Variants in SYTL2 observed in about 807,000 individuals in gnomAD.
SYTL2 encodes the protein synaptotagmin-like protein 2.
Under a neutral mutation model 198.7 loss-of-function variants are expected in SYTL2, and 165 were observed. That is an observed-to-expected ratio of 0.83 (90% CI 0.73 to 0.94). SYTL2 has a LOEUF of 0.94. Ranked by LOEUF, SYTL2 falls within the 40% of genes least tolerant of loss-of-function variation. The probability of loss-of-function intolerance (pLI) is 0.00; values close to 1 mark genes in which losing one functional copy is unlikely to be tolerated. For synonymous variants in SYTL2, 966 were observed against 917.7 expected (o/e 1.05, Z -0.95); for missense variants, 2,835 against 2,582.8 (o/e 1.10, Z -2.12).
chr11:85,761,627 A>T (rs992482299), intron 1 of SYTL2, among the ~76,000 whole-genome samples: 2 of 152,190 alleles, frequency 1.3e-5, no homozygotes, highest in African/African-American at 4.8e-5. Context: ...CGCTGTACAT[A>T]CCTCTCATGG....
chr11:85,745,977 G>C (rs944422306), intron 3 of SYTL2, among the ~76,000 whole-genome samples: 7 of 152,096 alleles, frequency 4.6e-5, no homozygotes, highest in African/African-American at 1.7e-4. Context: ...TCCCCAAGCA[G>C]AGTCTCTTGA....
At position 85,748,253 on chromosome 11, in the gene SYTL2, A is replaced by G. The variant is rs2091290213; in HGVS notation, c.253+19T>C. ...CCAAACGAATGCTTGTTGTAAATGC[A>G]CTAGCCAAGTCAACTCACCTGCTAT... On this transcript the variant is annotated intron_variant, in intron 3 of 19. Coordinates refer to ENST00000359152, the MANE Select transcript of SYTL2 (RefSeq NM_206927.4). 1.2e-6 allele frequency: 2 copies of G among 1,606,830 alleles called. No individual in the cohort carries two copies. The highest frequency in any genetic ancestry group is 2.2e-5 in the East Asian group (1 of 44,762).
At chr11:85,843,606 C>G in the SYTL2 span, among the ~76,000 whole-genome samples, 15 of 152,066 alleles carry the variant, frequency 9.9e-5, no homozygotes, top group African/African-American at 3.4e-4. Context: ...TATTTGGGTC[C>G]CATCAAATTT....
chr11:85,721,588 T>C (rs2088312795), intron 8 of SYTL2, among the ~76,000 whole-genome samples: 1 of 152,190 alleles, frequency 6.6e-6, no homozygotes, highest in Non-Finnish European at 1.5e-5. Context: ...AATGGCTGCA[T>C]CATGAATAAG....
chr11:85,743,144 TA>T (rs943587803), intron 4 of SYTL2, among the ~76,000 whole-genome samples: 2 of 152,196 alleles, frequency 1.3e-5, no homozygotes, highest in African/African-American at 4.8e-5. Flanking sequence ...GACTCCTGGC[TA>T]AGGAAATACT....
rs57873368 is a variant in SYTL2 at position 85,777,812 on chromosome 11, C to CTT, written c.-389-19700_-389-19699dup. ...CTTACCAGAATTACAGGTCTTACTT[C>CTT]TTTTTTTTTTTTTTTTTTTTTTTTT... On this transcript the variant is annotated intron_variant, in intron 1 of 19. Coordinates refer to ENST00000359152, the MANE Select transcript of SYTL2 (RefSeq NM_206927.4). Among the ~76,000 whole-genome samples the CTT allele has an allele frequency of 7.8e-3, 492 of 63,256 alleles. 11 individuals are homozygous for CTT. The highest frequency in any genetic ancestry group is 0.024 in the Middle Eastern group (1 of 42). 41.5% of individuals were successfully genotyped at this position (63,256 alleles called of 152,430 possible). A position where few individuals can be genotyped will look rare whatever the true frequency, so the allele number is the denominator to read the frequency against.
rs2153489081 is a variant in SYTL2, at chr11:85,734,559, G to A, written c.770C>T (p.Pro257Leu). 1 of 1,614,204 alleles carries A rather than the reference G, an allele frequency of 6.2e-7. No homozygotes were observed. Among genetic ancestry groups the A allele is most frequent in the African/African-American group, 1.3e-5 (1 of 75,038 alleles). ...DLNKDDNQSF[P>L]RQRTDSLKAR... ...TTTCAGGGAGTCTGTCCTTTGTCTA[G>A]GAAAAGACTGGTTATCATCTTTGTT... The change falls in exon 7 of 20, where the codon CCT becomes CTT. Residue 257 changes from proline to leucine, a missense_variant. By Grantham distance (98) the Pro-to-Leu change is moderately conservative. Transcript: ENST00000359152.
At chr11:85,816,746 C>CA in the SYTL2 span, among the ~76,000 whole-genome samples, 6,901 of 151,780 alleles carry the variant, frequency 0.045, 213 homozygotes, top group Middle Eastern at 0.068. Context: ...TTGTTCTCTA[C>CA]AAAAAATAAA....
In SYTL2 at chr11:85,704,843, A is replaced by G. The variant is rs1450087872; in HGVS notation, c.6189+15T>C. The G allele has an allele frequency of 5.0e-6, 8 of 1,608,154 alleles. No homozygotes were observed. In the African/African-American group the frequency reaches 5.4e-5, roughly 11 times the overall value. On this transcript the variant is annotated intron_variant, in intron 16 of 19. Coordinates refer to ENST00000359152, the MANE Select transcript of SYTL2 (RefSeq NM_206927.4). The stretch of plus-strand genomic sequence containing the variant: ...TCAACCAACCAAATAAACAAACAAA[A>G]AATTCCGGACTCACCTTCCGCTTCA...
chr11:85,724,182 C>CCACA lies in SYTL2; in HGVS notation c.5175_5176insTGTG (p.Glu1726CysfsTer9), dbSNP rs2088779406. 1 of 1,603,126 alleles carries CCACA rather than the reference C, an allele frequency of 6.2e-7. No homozygotes were observed. Among genetic ancestry groups the CCACA allele is most frequent in the African/African-American group, 1.4e-5 (1 of 73,964 alleles). On this transcript the variant is annotated frameshift_variant, in exon 8 of 20. Coordinates refer to ENST00000359152, the MANE Select transcript of SYTL2 (RefSeq NM_206927.4). LOFTEE classifies it high-confidence loss of function. ...ACTTTACTTGTTTTTGTAGAGTTTT[C>CCACA]TTTGTTCATCAGGAGAGGAATGGGT...
intron 1 of SYTL2, among the ~76,000 whole-genome samples, chr11:85,785,380 C>G (rs2092620893): frequency 1.3e-5 from 2 of 152,186 alleles, no homozygotes; most frequent in African/African-American, 4.8e-5. Context: ...GTACGGAAAA[C>G]AGAAGGAAAA....
In SYTL2 at chr11:85,734,007, A is replaced by G. The variant is rs1205984407; in HGVS notation, c.1322T>C (p.Ile441Thr). 1.2e-6 allele frequency: 2 copies of G among 1,614,048 alleles called. No individual in the cohort carries two copies. Among genetic ancestry groups the G allele is most frequent in the Admixed American group, 3.3e-5 (2 of 60,014 alleles). The change falls in exon 7 of 20, where the codon ATC becomes ACC. Residue 441 changes from isoleucine to threonine, a missense_variant. This residue lies in a region of SYTL2 where 2,645 missense variants were observed against 2,381.7 expected (regional missense o/e 1.11). Coordinates refer to ENST00000359152, the MANE Select transcript of SYTL2 (RefSeq NM_206927.4). ...RPQSMENSPT[I>T]NEPKDKSSEL... ...TGATGATTTATCTTTGGGTTCATTGATGGTTGGTGAATTCTCCATAGACTG... is the reference window on the plus strand; with the variant it reads ...TGATGATTTATCTTTGGGTTCATTGGTGGTTGGTGAATTCTCCATAGACTG...
At chr11:85,806,052 G>A (rs1406008129) in intron 1 of SYTL2, among the ~76,000 whole-genome samples, 1 of 152,158 alleles carries the variant, frequency 6.6e-6, no homozygotes, top group African/African-American at 2.4e-5. Flanking sequence ...AGTAATCTGA[G>A]GACACTGCAC....
At chr11:85,753,296 T>G (rs1053516405) in intron 2 of SYTL2, among the ~76,000 whole-genome samples, 1 of 152,144 alleles carries the variant, frequency 6.6e-6, no homozygotes, top group Non-Finnish European at 1.5e-5. Flanking sequence ...CACCCTGATG[T>G]CTCCTTCACT....
intron 2 of SYTL2, among the ~76,000 whole-genome samples, chr11:85,750,482 T>C (rs1194265863): frequency 1.3e-5 from 2 of 152,150 alleles, no homozygotes; most frequent in Non-Finnish European, 2.9e-5. Flanking sequence ...TCCTTTTCCA[T>C]TGCTCCCACA....
At position 85,745,718 on chromosome 11, in the gene SYTL2, A is replaced by C. The variant is rs143167131; in HGVS notation, c.308T>G (p.Val103Gly). The C allele has an allele frequency of 5.8e-5, 94 of 1,613,634 alleles. 2 individuals are homozygous for C. The highest frequency in any genetic ancestry group is 7.9e-5 in the Non-Finnish European group (93 of 1,179,742). ...NGAKESWVNN[V>G]NKDAFLPPEL... is the part of the protein sequence containing the mutation. Reference sequence around the variant, plus strand: ...TGGAGGAAGGAAAGCATCTTTGTTGACATTATTCACCCAGCTTTCCTTTGC... The same window carrying C: ...TGGAGGAAGGAAAGCATCTTTGTTGCCATTATTCACCCAGCTTTCCTTTGC... Residue 103 changes from valine to glycine, a missense_variant, in exon 4 of 20, where the codon GTC becomes GGC. By Grantham distance (109) the Val-to-Gly change is moderately radical. Transcript: ENST00000359152.
the SYTL2 span, among the ~76,000 whole-genome samples, chr11:85,819,103 A>G: frequency 6.6e-6 from 1 of 152,172 alleles, no homozygotes; most frequent in Non-Finnish European, 1.5e-5. Flanking sequence ...ATTTAAATTT[A>G]CCTGTCATAA....
chr11:85,784,080 G>C (rs1453837556), intron 1 of SYTL2, among the ~76,000 whole-genome samples: 1 of 152,156 alleles, frequency 6.6e-6, no homozygotes, highest in African/African-American at 2.4e-5. Context: ...TTCCTAGTAT[G>C]ACCCAGAACA....
intron 2 of SYTL2, among the ~76,000 whole-genome samples, chr11:85,748,821 T>C (rs1245703797): frequency 2.0e-5 from 3 of 152,194 alleles, no homozygotes; most frequent in African/African-American, 7.2e-5. Context: ...ACTTTAAAAT[T>C]GGGGTTTCTT....
Sources: gnomAD v4.1 joint callset for allele counts (sites outside exome capture counted in the v4.1 genomes callset) on GRCh38, gnomAD v4.1.1 for gene constraint, gnomAD v4.1.1 regional missense constraint, MANE v1.5 for transcripts, NCBI Gene and HGNC (gene_info 2026-07-23, HGNC 2026-07-21) for gene names.